Variants in DSCAML1 observed in about 807,000 individuals in gnomAD.
DSCAML1 encodes cell adhesion molecule DSCAML1.
Under a neutral mutation model 200.5 loss-of-function variants are expected in DSCAML1, and 38 were observed. That is an observed-to-expected ratio of 0.19 (90% CI 0.15 to 0.25). The LOEUF is 0.25. Among genes scored for constraint, DSCAML1 ranks in the 10% least tolerant of loss-of-function variants. The probability of loss-of-function intolerance (pLI) is 1.00; values close to 1 mark genes in which losing one functional copy is unlikely to be tolerated. For synonymous variants in DSCAML1, 1,215 were observed against 1,165.0 expected (o/e 1.04, Z -0.87); for missense variants, 2,223 against 2,858.8 (o/e 0.78, Z 5.07).
chr11:117,723,617 G>C (rs1241480417), intron 3 of DSCAML1, among the ~76,000 whole-genome samples: 1 of 152,164 alleles, frequency 6.6e-6, no homozygotes, highest in Admixed American at 6.5e-5. Context: ...GACCCATTCC[G>C]CGGCTGTTTT....
chr11:117,811,767 G>A (rs2055763142), intron 1 of DSCAML1, among the ~76,000 whole-genome samples: 1 of 152,170 alleles, frequency 6.6e-6, no homozygotes, highest in South Asian at 2.1e-4. Flanking sequence ...TGATTGCCTT[G>A]GAAGCCCCGT....
chr11:117,515,610 C>CTTTTTTTTTTTTTTTTTTTTT lies in DSCAML1; in HGVS notation c.1783+836_1783+856dup, dbSNP rs56765238. On this transcript the variant is annotated intron_variant, in intron 8 of 32. Coordinates refer to ENST00000651296, the MANE Select transcript of DSCAML1 (RefSeq NM_020693.4). ...TGTCAAGGGCCCAGGAGGGACGAAG[C>CTTTTTTTTTTTTTTTTTTTTT]TTTTTTTTTTTTTTTTTTTTTTTTT... is the stretch of plus-strand genomic sequence containing the variant. Among the ~76,000 whole-genome samples the CTTTTTTTTTTTTTTTTTTTTT allele has an allele frequency of 5.2e-4, 34 of 65,138 alleles. 7 individuals are homozygous for CTTTTTTTTTTTTTTTTTTTTT. Among genetic ancestry groups the CTTTTTTTTTTTTTTTTTTTTT allele is most frequent in the Non-Finnish European group, 6.1e-4 (23 of 37,614 alleles). The allele number at this position is 65,138 out of a possible 152,430, so 42.7% of individuals were successfully genotyped here.
Position 117,465,102 on chromosome 11 carries a change from C to A in DSCAML1, c.3105G>T (p.Gly1035=). ...GYRENSPGSN[G]QYSIVEMKAT... ...CCTTCATCTCCACGATGCTGTACTG[C>A]CCGTTGCTGCCGGGGCTGTTCTCTC... The change falls in exon 17 of 33, where the codon GGG becomes GGT. Residue 1035 remains glycine, a synonymous_variant. Transcript: ENST00000651296. The A allele has an allele frequency of 2.5e-6, 4 of 1,614,154 alleles. No homozygotes were observed. The highest frequency in any genetic ancestry group is 3.4e-6 in the Non-Finnish European group (4 of 1,180,024).
intron 3 of DSCAML1, among the ~76,000 whole-genome samples, chr11:117,561,609 T>C (rs1417951337): frequency 1.3e-5 from 2 of 152,212 alleles, no homozygotes; most frequent in Admixed American, 6.5e-5. Flanking sequence ...GGCCTTTGCA[T>C]GTGCAGGTCC....
At chr11:117,789,888 T>C (rs1295766012) in intron 1 of DSCAML1, among the ~76,000 whole-genome samples, 1 of 152,180 alleles carries the variant, frequency 6.6e-6, no homozygotes, top group Non-Finnish European at 1.5e-5. Context: ...GGAGTCCCTG[T>C]TGCAGGAAGT....
intron 21 of DSCAML1, among the ~76,000 whole-genome samples, chr11:117,442,231 TGTGC>T (rs2048073737): frequency 7.1e-6 from 1 of 141,410 alleles, no homozygotes; most frequent in Non-Finnish European, 1.5e-5. Flanking sequence ...CTAGTGTGTG[TGTGC>T]GTGTGTATGC....
chr11:117,771,706 G>A (rs769172040), intron 3 of DSCAML1, among the ~76,000 whole-genome samples: 2 of 152,176 alleles, frequency 1.3e-5, no homozygotes, highest in African/African-American at 2.4e-5. Context: ...CTTGGGTAAC[G>A]TGCTTAACTG....
intron 3 of DSCAML1, among the ~76,000 whole-genome samples, chr11:117,647,895 A>G (rs1204889961): frequency 6.6e-6 from 1 of 152,174 alleles, no homozygotes; most frequent in African/African-American, 2.4e-5. Context: ...AACCCCCAGC[A>G]GCACAAGTGA....
chr11:117,760,996 T>C (rs1336141150), intron 3 of DSCAML1, among the ~76,000 whole-genome samples: 1 of 152,166 alleles, frequency 6.6e-6, no homozygotes, highest in Non-Finnish European at 1.5e-5. Flanking sequence ...AGCCAAAGAC[T>C]GTTAGAAAAA....
At chr11:117,761,189 C>T (rs1371394078) in intron 3 of DSCAML1, among the ~76,000 whole-genome samples, 2 of 152,152 alleles carry the variant, frequency 1.3e-5, no homozygotes, top group Non-Finnish European at 2.9e-5. Context: ...ACTCACCTTC[C>T]AGACGAGGTC....
At chr11:117,539,606 CAAAAAAAAAAAAAA>C (rs35130897) in intron 3 of DSCAML1, among the ~76,000 whole-genome samples, 1 of 52,612 alleles carries the variant, frequency 1.9e-5, no homozygotes, top group Admixed American at 2.2e-4. Context: ...AAAACTCTGT[CAAAAAAAAAAAAAA>C]AAAAAAAAAA....
At chr11:117,566,833 G>C (rs1212176108) in intron 3 of DSCAML1, among the ~76,000 whole-genome samples, 1 of 151,002 alleles carries the variant, frequency 6.6e-6, no homozygotes. Context: ...GCGGTGTTTG[G>C]TTTTTTGTTC....
chr11:117,641,156 T>C (rs1016519308), intron 3 of DSCAML1, among the ~76,000 whole-genome samples: 3 of 152,254 alleles, frequency 2.0e-5, no homozygotes, highest in African/African-American at 7.2e-5. Flanking sequence ...TCCAGCCAAG[T>C]ACGCTGGGTC....
rs1417789443 is a variant in DSCAML1 at position 117,469,478 on chromosome 11, CTT to C, written c.3024+430_3024+431del. On this transcript the variant is annotated intron_variant, in intron 16 of 32. Coordinates refer to ENST00000651296, the MANE Select transcript of DSCAML1 (RefSeq NM_020693.4). The surrounding 1 kb of genome is among the most constrained non-coding windows in gnomAD (Gnocchi z 4.1). ...AAATGGCTATAGCACATAGTGGTCT[CTT>C]TTCTCTACAGTTTCTCCACCCTCAG... 2.6e-5 allele frequency among the ~76,000 whole-genome samples: 4 copies of C among 152,182 alleles called. No homozygotes were observed. Among genetic ancestry groups the C allele is most frequent in the African/African-American group, 9.7e-5 (4 of 41,428 alleles).
intron 3 of DSCAML1, among the ~76,000 whole-genome samples, chr11:117,658,428 C>T (rs1008401071): frequency 2.6e-5 from 4 of 152,128 alleles, no homozygotes; most frequent in Admixed American, 1.3e-4. Flanking sequence ...ACTGAAGCCC[C>T]GGAAAGCTGT....
chr11:117,503,887 C>T lies in DSCAML1; in HGVS notation c.2317G>A (p.Val773Ile), dbSNP rs371097603. 37 of 1,614,004 alleles carry T rather than the reference C, an allele frequency of 2.3e-5. No individual in the cohort carries two copies. The highest frequency in any genetic ancestry group is 2.7e-5 in the Non-Finnish European group (32 of 1,180,028). ...GYYLCQASNGVGTDISKSMFL... is the reference protein window; with the variant it reads ...GYYLCQASNGIGTDISKSMFL... Reference sequence around the variant, plus strand: ...ATGGACTTGCTGATGTCGGTGCCTACGCCGTTGCTGGCCTGGCAGAGGTAG... The same window carrying T: ...ATGGACTTGCTGATGTCGGTGCCTATGCCGTTGCTGGCCTGGCAGAGGTAG... Residue 773 changes from valine to isoleucine, a missense_variant, in exon 11 of 33, where the codon GTA (valine) becomes ATA (isoleucine). By Grantham distance (29) the Val-to-Ile change is conservative (BLOSUM62 3). Around this residue, in one of 7 missense-constraint regions of DSCAML1, gnomAD observed 4 missense variants for 26.4 expected, o/e 0.15. Coordinates refer to ENST00000651296, the MANE Select transcript of DSCAML1 (RefSeq NM_020693.4). The surrounding 1 kb of genome is among the most constrained non-coding windows in gnomAD (Gnocchi z 5.2).
chr11:117,475,606 T>A (rs1018083775), intron 14 of DSCAML1, among the ~76,000 whole-genome samples: 2 of 152,120 alleles, frequency 1.3e-5, no homozygotes, highest in African/African-American at 4.8e-5. Context: ...CAGTTTCACA[T>A]GTGTTGGGCA....
At position 117,435,763 on chromosome 11, in the gene DSCAML1, C is replaced by T; in HGVS notation, c.4757G>A (p.Gly1586Glu). 1 of 1,613,204 alleles carries T rather than the reference C, an allele frequency of 6.2e-7. No homozygotes were observed. The highest frequency in any genetic ancestry group is 1.1e-5 in the South Asian group (1 of 90,998). The part of the protein sequence containing the change: ...IPPIKSAQGE[G>E]DDVKKLFTIG... ...GGTGAACAGCTTCTTCACATCATCC[C>T]CTTCACCTTGAGCAGACTTGATGGG... The change falls in exon 27 of 33, where the codon GGG becomes GAG. Residue 1586 changes from glycine to glutamate, a missense_variant. Coordinates refer to ENST00000651296, the MANE Select transcript of DSCAML1 (RefSeq NM_020693.4).
chr11:117,527,517 A>G (rs776651678), intron 4 of DSCAML1, among the ~76,000 whole-genome samples: 4 of 152,244 alleles, frequency 2.6e-5, no homozygotes, highest in Non-Finnish European at 4.4e-5. Flanking sequence ...ATAGAAATCC[A>G]CATTGCAGAA....
Sources: gnomAD v4.1 joint callset for allele counts (sites outside exome capture counted in the v4.1 genomes callset) on GRCh38, gnomAD v4.1.1 for gene constraint, gnomAD v4.1.1 regional missense constraint, Gnocchi (gnomAD v3.1) non-coding constraint, MANE v1.5 for transcripts, NCBI Gene and HGNC (gene_info 2026-07-23, HGNC 2026-07-21) for gene names.